The following RASGRF1 variants were observed in gnomAD, a reference collection of about 807,000 sequenced individuals.
RASGRF1 encodes ras-specific guanine nucleotide-releasing factor 1.
Under a neutral mutation model 138.7 loss-of-function variants are expected in RASGRF1, and 40 were observed. That is an observed-to-expected ratio of 0.29 (90% CI 0.22 to 0.38). The LOEUF (loss-of-function observed/expected upper bound fraction) is 0.38. RASGRF1 is among the 10% of genes least tolerant of loss of function. The pLI is 1.00. For missense variants in RASGRF1, 1,108 were observed against 1,650.4 expected, an observed-to-expected ratio of 0.67 and a Z score of 5.69; for synonymous variants, 614 against 663.2, an observed-to-expected ratio of 0.93 and a Z score of 1.14.
intron 1 of RASGRF1, among the ~76,000 whole-genome samples, chr15:79,080,797 C>T (rs952422097): frequency 2.0e-5 from 3 of 152,180 alleles, no homozygotes; most frequent in African/African-American, 7.2e-5. Context: ...TATAAATGAC[C>T]TCATTTAACA....
intron 10 of RASGRF1, among the ~76,000 whole-genome samples, chr15:79,023,938 A>T (rs2057003872): frequency 6.6e-6 from 1 of 151,568 alleles, no homozygotes. Context: ...CACACACCAC[A>T]CACACAGATA....
At chr15:79,013,360 C>A (rs2141755072) in intron 13 of RASGRF1, among the ~76,000 whole-genome samples, 1 of 152,344 alleles carries the variant, frequency 6.6e-6, no homozygotes, top group African/African-American at 2.4e-5. Flanking sequence ...TCCTTATCAA[C>A]TTGTGCAGAG....
Position 79,090,683 on chromosome 15 carries a change from T to C in RASGRF1, c.-185A>G. The C allele has an allele frequency of 1.3e-6, 1 of 769,634 alleles. No individual in the cohort carries two copies. Among genetic ancestry groups the C allele is most frequent in the East Asian group, 2.8e-5 (1 of 36,088 alleles). The allele number at this position is 769,634 out of a possible 1,614,324, so 47.7% of individuals were successfully genotyped here. On this transcript the variant is annotated 5_prime_UTR_variant, in exon 1 of 27. Transcript: ENST00000558480. ...AGCCGCGGCTTCTTGAATCCAGATA[T>C]ACCATTCCCCGCTGGAACCTCTTCT... is the stretch of plus-strand genomic sequence containing the variant.
In RASGRF1 at chr15:79,004,185, G is replaced by A. The variant is rs757531261; in HGVS notation, c.2076-10C>T. On this transcript the variant is annotated splice_polypyrimidine_tract_variant and intron_variant, in intron 14 of 26. Transcript: ENST00000558480. ...CAGGAGCTCCAGCGACCTGTGGGGA[G>A]GGCGGGGGTGAAAATGACAGTTAGC... 5 of 1,552,174 alleles carry A rather than the reference G, an allele frequency of 3.2e-6. No individual in the cohort carries two copies. Among genetic ancestry groups the A allele is most frequent in the South Asian group, 2.4e-5 (2 of 82,672 alleles).
At chr15:79,028,090 G>A (rs2057085984) in intron 8 of RASGRF1, among the ~76,000 whole-genome samples, 1 of 152,192 alleles carries the variant, frequency 6.6e-6, no homozygotes, top group South Asian at 2.1e-4. Context: ...AAGGAGGCAA[G>A]TGTTCTTATT....
chr15:78,992,012 GGT>G (rs1343603074), intron 20 of RASGRF1, among the ~76,000 whole-genome samples: 1 of 152,148 alleles, frequency 6.6e-6, no homozygotes, highest in African/African-American at 2.4e-5. Flanking sequence ...CTGTTGTGCC[GGT>G]GTGTGCAGCC....
At chr15:78,998,238 G>T in intron 18 of RASGRF1, 30 bp from the exon 19 acceptor site, 11 of 1,578,450 alleles carry the variant, frequency 7.0e-6, no homozygotes, top group Non-Finnish European at 9.6e-6. Flanking sequence ...GGTGGCTCTG[G>T]TTACTGTTTT....
chr15:78,965,773 C>T (rs1221507410), intron 26 of RASGRF1, among the ~76,000 whole-genome samples: 1 of 152,212 alleles, frequency 6.6e-6, no homozygotes, highest in Non-Finnish European at 1.5e-5. Flanking sequence ...ATCACTTGAA[C>T]CTGGGAGGCA....
At chr15:79,062,520 TTCTG>T (rs1303620166) in intron 2 of RASGRF1, among the ~76,000 whole-genome samples, 1 of 152,050 alleles carries the variant, frequency 6.6e-6, no homozygotes, top group Non-Finnish European at 1.5e-5. Flanking sequence ...CTCATCTACT[TTCTG>T]TCTTTTATTT....
At chr15:78,966,292 A>G (rs1223980811) in intron 26 of RASGRF1, among the ~76,000 whole-genome samples, 3 of 140,464 alleles carry the variant, frequency 2.1e-5, no homozygotes, top group African/African-American at 8.1e-5. Context: ...GCTGCCCTGC[A>G]GTGGCACGAT....
chr15:78,979,021 G>T, intron 24 of RASGRF1: 1 of 1,293,734 alleles, frequency 7.7e-7, no homozygotes, highest in South Asian at 1.2e-5. Flanking sequence ...CAGCGGTGGT[G>T]GCGGCGGCAG....
At chr15:78,994,246 C>T (rs937734377) in intron 20 of RASGRF1, among the ~76,000 whole-genome samples, 3 of 152,256 alleles carry the variant, frequency 2.0e-5, no homozygotes, top group African/African-American at 7.2e-5. Flanking sequence ...GGACCGTCAA[C>T]CTCCCTGCCT....
At chr15:78,980,812 C>T (rs2056010019) in intron 23 of RASGRF1, 113 bp from the exon 24 acceptor site, 1 of 746,970 alleles carries the variant, frequency 1.3e-6, no homozygotes, top group South Asian at 2.4e-5. Flanking sequence ...GAATTGCCTT[C>T]CCTTGGGATC....
intron 15 of RASGRF1, among the ~76,000 whole-genome samples, chr15:79,002,096 T>G (rs971402080): frequency 2.6e-5 from 4 of 151,906 alleles, no homozygotes; most frequent in Non-Finnish European, 5.9e-5. Flanking sequence ...GGCCTGAGAG[T>G]CTGCATTTCT....
chr15:78,979,142 A>G (rs1319107615), intron 24 of RASGRF1: 2 of 1,289,632 alleles, frequency 1.6e-6, no homozygotes, highest in East Asian at 5.5e-5. Flanking sequence ...CACAGTCCAC[A>G]GGGGCTCTCG....
At chr15:79,034,882 T>C (rs1221569533) in intron 6 of RASGRF1, among the ~76,000 whole-genome samples, 1 of 152,268 alleles carries the variant, frequency 6.6e-6, no homozygotes, top group Non-Finnish European at 1.5e-5. Context: ...TCTCAATTTT[T>C]CTTAAATGGA....
At chr15:79,068,069 T>G (rs1223173733) in intron 1 of RASGRF1, among the ~76,000 whole-genome samples, 1 of 152,186 alleles carries the variant, frequency 6.6e-6, no homozygotes, top group Admixed American at 6.5e-5. Context: ...GGCCCTGCTG[T>G]GTGCCTGTCA....
At chr15:78,971,690 G>A (rs1231545573) in intron 26 of RASGRF1, among the ~76,000 whole-genome samples, 176 bp downstream of exon 26, 2 of 152,194 alleles carry the variant, frequency 1.3e-5, no homozygotes, top group Admixed American at 6.5e-5. Flanking sequence ...ATGAACACAG[G>A]CCCAATTTGA....
chr15:78,995,880 C>T (rs549947605), intron 19 of RASGRF1, 80 bp from the exon 20 acceptor site: 2 of 1,393,658 alleles, frequency 1.4e-6, no homozygotes, highest in East Asian at 4.6e-5. Context: ...CCCCACACGG[C>T]CTCTGCTCTT....
Sources: gnomAD v4.1 joint callset for allele counts (sites outside exome capture counted in the v4.1 genomes callset) on GRCh38, gnomAD v4.1.1 for gene constraint, MANE v1.5 for transcripts, NCBI Gene and HGNC (gene_info 2026-07-23, HGNC 2026-07-21) for gene names.